CNTN4: variants seen among roughly 807,000 people sequenced by gnomAD.
CNTN4 encodes contactin-4.
A neutral mutation model predicts 122.5 loss-of-function variants in CNTN4; 77 were observed. The ratio of observed to expected loss-of-function variants is 0.63; its 90% CI spans 0.52 to 0.76. CNTN4 has a LOEUF of 0.76. Among genes scored for constraint, CNTN4 ranks in the 30% least tolerant of loss-of-function variants. The probability of loss-of-function intolerance (pLI) is 0.00; values close to 1 mark genes in which losing one functional copy is unlikely to be tolerated. For missense variants in CNTN4, 1,256 were observed against 1,259.1 expected (o/e 1.00, Z 0.04); for synonymous variants, 512 against 447.0 (o/e 1.15, Z -1.83).
intron 3 of CNTN4, among the ~76,000 whole-genome samples, chr3:2,525,570 A>C (rs1389757529): frequency 6.6e-6 from 1 of 152,184 alleles, no homozygotes; most frequent in Non-Finnish European, 1.5e-5. Flanking sequence ...ATGTTACTTC[A>C]ATGTTGAACA....
At chr3:2,778,250 A>G (rs948149506) in intron 6 of CNTN4, among the ~76,000 whole-genome samples, 1 of 150,326 alleles carries the variant, frequency 6.7e-6, no homozygotes, top group Non-Finnish European at 1.5e-5. Context: ...ATAAATAAAT[A>G]AATAAAATAA....
At chr3:2,427,179 G>T (rs1187334138) in intron 3 of CNTN4, among the ~76,000 whole-genome samples, 1 of 152,080 alleles carries the variant, frequency 6.6e-6, no homozygotes, top group Non-Finnish European at 1.5e-5. Context: ...GTCAATTTTA[G>T]ATCTTTCCTG....
chr3:2,785,445 T>TG (rs368578096), intron 6 of CNTN4, among the ~76,000 whole-genome samples: 58 of 152,226 alleles, frequency 3.8e-4, no homozygotes, highest in African/African-American at 1.2e-3. Context: ...ACCACATAGT[T>TG]GGGGGGCAGT....
intron 14 of CNTN4, among the ~76,000 whole-genome samples, chr3:2,993,686 C>T (rs1695255484): frequency 6.6e-6 from 1 of 152,090 alleles, no homozygotes; most frequent in East Asian, 1.9e-4. Context: ...AAGTCCTTCA[C>T]AGAAAAGAAA....
chr3:2,190,429 A>G (rs924141405), intron 2 of CNTN4, among the ~76,000 whole-genome samples: 1 of 152,096 alleles, frequency 6.6e-6, no homozygotes, highest in Non-Finnish European at 1.5e-5. Context: ...AATAAAATAG[A>G]TAAAATGCTT....
intron 3 of CNTN4, among the ~76,000 whole-genome samples, chr3:2,529,272 C>A (rs575340945): frequency 6.6e-6 from 1 of 152,042 alleles, no homozygotes; most frequent in Admixed American, 6.6e-5. Context: ...TGTTGCCCCA[C>A]GTGAGAGGAT....
intron 3 of CNTN4, among the ~76,000 whole-genome samples, chr3:2,369,011 G>C (rs58281907): frequency 2.0e-5 from 3 of 151,952 alleles, no homozygotes; most frequent in Non-Finnish European, 2.9e-5. Context: ...TGCAACCTCC[G>C]CCTCCCAGGT....
In CNTN4 at chr3:2,487,025, C is replaced by T. The variant is rs561223789; in HGVS notation, c.-88-84391C>T. ...AAATTTATAGCCTAGTTGAAATGGG[C>T]CACCAAATTCCTGCTACCTTCTCCC... On this transcript the variant is annotated intron_variant, in intron 3 of 24. Transcript: ENST00000418658. 3.3e-5 allele frequency among the ~76,000 whole-genome samples: 5 copies of T among 152,154 alleles called. No individual in the cohort carries two copies. In the South Asian group the frequency reaches 1.0e-3, roughly 32 times the overall value.
intron 6 of CNTN4, among the ~76,000 whole-genome samples, chr3:2,770,035 G>GTTT (rs879861029): frequency 2.9e-5 from 1 of 34,132 alleles, no homozygotes; most frequent in African/African-American, 9.4e-5. Flanking sequence ...TTGTTTGTTT[G>GTTT]TTTTTTTTTT....
intron 3 of CNTN4, among the ~76,000 whole-genome samples, chr3:2,454,005 A>C (rs1166225206): frequency 6.6e-6 from 1 of 151,838 alleles, no homozygotes; most frequent in Non-Finnish European, 1.5e-5. Flanking sequence ...TGTTGCATGG[A>C]TATCCTCAGA....
intron 2 of CNTN4, among the ~76,000 whole-genome samples, chr3:2,207,799 A>G (rs1042207622): frequency 2.0e-5 from 3 of 152,102 alleles, no homozygotes; most frequent in African/African-American, 7.2e-5. Flanking sequence ...AATGCCATGT[A>G]GGGTTTTCAT....
intron 15 of CNTN4, 78 bp from the exon 16 acceptor site, chr3:3,030,777 T>A: frequency 2.0e-6 from 3 of 1,499,824 alleles, no homozygotes; most frequent in Non-Finnish European, 2.8e-6. Flanking sequence ...AATCCATTAG[T>A]CACCGTGTCC....
At chr3:2,231,867 G>T (rs947192067) in intron 2 of CNTN4, among the ~76,000 whole-genome samples, 8 of 151,974 alleles carry the variant, frequency 5.3e-5, no homozygotes, top group African/African-American at 1.9e-4. Flanking sequence ...CAGATTGCAA[G>T]GATTTTGGTA....
rs77062595 is a variant in CNTN4 at position 2,823,744 on chromosome 3, A to G, written c.454+4163A>G. Among the ~76,000 whole-genome samples the G allele has an allele frequency of 8.6e-3, 1,308 of 152,254 alleles. 26 individuals are homozygous for G. The highest frequency in any genetic ancestry group is 0.03 in the African/African-American group (1,233 of 41,546). ...GAACTTTGAGATTCTTCCTTCCAAT[A>G]TACGAAAATTTCTAGTTTATTCCTC... On this transcript the variant is annotated intron_variant, in intron 7 of 24. Coordinates refer to ENST00000418658, the MANE Select transcript of CNTN4 (RefSeq NM_175607.3).
In CNTN4 at chr3:2,514,155, G is replaced by T. The variant is rs182232165; in HGVS notation, c.-88-57261G>T. ...CTTGCATTCTTTGTTTTGGACCCTCGGCAGACTGTTTTGTTTGACCCCAGA... is the reference window on the plus strand; with the variant it reads ...CTTGCATTCTTTGTTTTGGACCCTCTGCAGACTGTTTTGTTTGACCCCAGA... On this transcript the variant is annotated intron_variant, in intron 3 of 24. Transcript: ENST00000418658. 1.8e-3 allele frequency among the ~76,000 whole-genome samples: 275 copies of T among 152,172 alleles called. 2 individuals carry two copies. Among genetic ancestry groups the T allele is most frequent in the Middle Eastern group, 6.8e-3 (2 of 294 alleles).
At chr3:2,627,876 C>T (rs1277809581) in intron 4 of CNTN4, among the ~76,000 whole-genome samples, 1 of 152,172 alleles carries the variant, frequency 6.6e-6, no homozygotes, top group Admixed American at 6.5e-5. Flanking sequence ...AACAGATTAA[C>T]ATTTAACATA....
intron 4 of CNTN4, among the ~76,000 whole-genome samples, chr3:2,627,614 C>T (rs966802798): frequency 6.6e-6 from 1 of 151,732 alleles, no homozygotes; most frequent in South Asian, 2.1e-4. Context: ...CTGCTTCAGC[C>T]TCCCGAGTAG....
intron 5 of CNTN4, among the ~76,000 whole-genome samples, chr3:2,740,588 T>A (rs991755852): frequency 6.6e-6 from 1 of 152,216 alleles, no homozygotes; most frequent in African/African-American, 2.4e-5. Flanking sequence ...CAGATCTTCA[T>A]TGGCTTATGA....
At chr3:2,519,824 G>A (rs1258157446) in intron 3 of CNTN4, among the ~76,000 whole-genome samples, 1 of 152,128 alleles carries the variant, frequency 6.6e-6, no homozygotes, top group African/African-American at 2.4e-5. Flanking sequence ...CAACTTCTAT[G>A]GTAAGTTATT....
Sources: gnomAD v4.1 joint callset for allele counts (sites outside exome capture counted in the v4.1 genomes callset) on GRCh38, gnomAD v4.1.1 for gene constraint, MANE v1.5 for transcripts, NCBI Gene and HGNC (gene_info 2026-07-23, HGNC 2026-07-21) for gene names.